Variants in PCDHA2 observed in about 807,000 individuals in gnomAD.
PCDHA2 encodes the protein protocadherin alpha-2.
PCDHA2 carries 58 observed loss-of-function variants against 66.0 expected under a neutral mutation model. The ratio of observed to expected loss-of-function variants is 0.88; its 90% CI spans 0.71 to 1.09. The LOEUF (loss-of-function observed/expected upper bound fraction) is 1.09. PCDHA2 is among the 50% of genes least tolerant of loss of function. The pLI is 0.00. For missense variants in PCDHA2, 1,267 were observed against 1,242.3 expected (o/e 1.02, Z -0.30); for synonymous variants, 634 against 554.0 (o/e 1.14, Z -2.03).
chr5:140,803,422 C>G (rs1554122806), intron 1 of PCDHA2: 1 of 1,614,226 alleles, frequency 6.2e-7, no homozygotes, highest in East Asian at 2.2e-5. Flanking sequence ...CTGGTGTGCT[C>G]CAGCGCGGTG....
At chr5:140,937,284 G>A (rs1473374286) in intron 1 of PCDHA2, among the ~76,000 whole-genome samples, 2 of 151,964 alleles carry the variant, frequency 1.3e-5, no homozygotes, top group South Asian at 2.1e-4. Context: ...TGATTCACCC[G>A]CTTCGGCCTC....
At chr5:140,877,894 G>C (rs1186724493) in intron 1 of PCDHA2, 21 of 1,447,492 alleles carry the variant, frequency 1.5e-5, no homozygotes, top group African/African-American at 2.9e-5. Flanking sequence ...CTTCCGTTTA[G>C]GTTATAACTA....
chr5:140,853,297 G>T, intron 1 of PCDHA2: 1 of 981,768 alleles, frequency 1.0e-6, no homozygotes, highest in Non-Finnish European at 1.2e-6. Context: ...TCTCAGAAGG[G>T]CTGTGAACAC....
chr5:140,801,237 C>T, intron 1 of PCDHA2: 1 of 1,613,110 alleles, frequency 6.2e-7, no homozygotes, highest in Non-Finnish European at 8.5e-7. Context: ...AGCCCAGTGC[C>T]TGCTGCTTTC....
chr5:140,830,290 G>C lies in PCDHA2; in HGVS notation c.2388+32938G>C, dbSNP rs2150184535. On this transcript the variant is annotated intron_variant, in intron 1 of 3. Transcript: ENST00000526136. Reference sequence around the variant, plus strand: ...CGCCACCCACCGAGGGCGCGTGCACGGCGGACAAGCCCACGCTGGTGTGCT... The same window carrying C: ...CGCCACCCACCGAGGGCGCGTGCACCGCGGACAAGCCCACGCTGGTGTGCT... 10 of 1,613,848 alleles carry C rather than the reference G, an allele frequency of 6.2e-6. No homozygotes were observed. In the African/African-American group the frequency reaches 9.3e-5, roughly 15 times the overall value.
intron 1 of PCDHA2, chr5:140,929,479 A>G (rs2086187931): frequency 4.2e-6 from 5 of 1,193,216 alleles, no homozygotes; most frequent in Admixed American, 3.2e-5. Context: ...CTGGAAGTAT[A>G]GAAGTATTAG....
intron 1 of PCDHA2, chr5:140,883,864 G>A: frequency 6.2e-7 from 1 of 1,613,210 alleles, no homozygotes; most frequent in East Asian, 2.2e-5. Flanking sequence ...AGCTGTTGCA[G>A]TTCCAGGTGA....
Position 140,850,103 on chromosome 5 carries a change from C to T in PCDHA2, c.2388+52751C>T, listed in dbSNP as rs2150467019. 4 of 1,596,104 alleles carry T rather than the reference C, an allele frequency of 2.5e-6. 1 individual carries two copies. Among genetic ancestry groups the T allele is most frequent in the African/African-American group, 1.3e-5 (1 of 74,456 alleles). On this transcript the variant is annotated intron_variant, in intron 1 of 3. Coordinates refer to ENST00000526136, the MANE Select transcript of PCDHA2 (RefSeq NM_018905.3). ...TGGAGCTGCTACAGTTCCAGGTGAGCGCGCGCGACGCGGGCGTGCCGCCTC... is the reference window on the plus strand; with the variant it reads ...TGGAGCTGCTACAGTTCCAGGTGAGTGCGCGCGACGCGGGCGTGCCGCCTC...
In PCDHA2 at chr5:140,857,896, T is replaced by A; in HGVS notation, c.2388+60544T>A. 4 of 1,597,704 alleles carry A rather than the reference T, an allele frequency of 2.5e-6. 1 individual carries two copies. The highest frequency in any genetic ancestry group is 3.4e-6 in the Non-Finnish European group (4 of 1,167,490). On this transcript the variant is annotated intron_variant, in intron 1 of 3. Coordinates refer to ENST00000526136, the MANE Select transcript of PCDHA2 (RefSeq NM_018905.3). ...ATGAATTGCAGTCGGCGGCGGTTGGTGCACGCATCCCGTTTCGCGTGGGGC... is the reference window on the plus strand; with the variant it reads ...ATGAATTGCAGTCGGCGGCGGTTGGAGCACGCATCCCGTTTCGCGTGGGGC...
chr5:140,837,239 AT>A (rs1774971058), intron 1 of PCDHA2: 1 of 152,014 alleles, frequency 6.6e-6, no homozygotes, highest in African/African-American at 2.4e-5. Flanking sequence ...TTTTACATCT[AT>A]TTATCTTCTT....
chr5:140,870,395 C>T (rs1554164197), intron 1 of PCDHA2: 1 of 1,614,218 alleles, frequency 6.2e-7, no homozygotes, highest in South Asian at 1.1e-5. Context: ...GATGGGGGTT[C>T]GCCTTCTCTG....
At chr5:140,875,647 C>T (rs1554167823) in intron 1 of PCDHA2, 1 of 1,613,694 alleles carries the variant, frequency 6.2e-7, no homozygotes, top group Non-Finnish European at 8.5e-7. Context: ...GCTGGCGGAG[C>T]TGGTGCCGCG....
At chr5:140,960,785 A>C (rs1452809407) in intron 1 of PCDHA2, among the ~76,000 whole-genome samples, 2 of 152,200 alleles carry the variant, frequency 1.3e-5, no homozygotes, top group Admixed American at 1.3e-4. Context: ...AGGGCCAAAC[A>C]AGGTTTCTAT....
chr5:140,978,196 T>C (rs1043778941), intron 1 of PCDHA2, among the ~76,000 whole-genome samples: 1 of 152,190 alleles, frequency 6.6e-6, no homozygotes. Flanking sequence ...ATCTTTTCAA[T>C]ACACAACTAA....
chr5:140,915,785 A>T (rs188846929), intron 1 of PCDHA2, among the ~76,000 whole-genome samples: 14 of 152,134 alleles, frequency 9.2e-5, no homozygotes, highest in Admixed American at 7.2e-4. Flanking sequence ...TGCTGTAACC[A>T]CTACCTGACT....
At chr5:140,946,573 A>C (rs1272286008) in intron 1 of PCDHA2, among the ~76,000 whole-genome samples, 1 of 147,140 alleles carries the variant, frequency 6.8e-6, no homozygotes, top group African/African-American at 2.6e-5. Flanking sequence ...GAATCAACTT[A>C]GGTGTTCATA....
Position 140,830,146 on chromosome 5 carries a change from C to A in PCDHA2, c.2388+32794C>A, listed in dbSNP as rs2150181875. 36 of 1,613,246 alleles carry A rather than the reference C, an allele frequency of 2.2e-5. No individual in the cohort carries two copies. The South Asian group carries it at 3.1e-4, about 14-fold the overall frequency. On this transcript the variant is annotated intron_variant, in intron 1 of 3. Coordinates refer to ENST00000526136, the MANE Select transcript of PCDHA2 (RefSeq NM_018905.3). ...AGGCGTCATCACGGGCGTCGGTGGG[C>A]GCCGCGGGCCCAGAGGCGGCGCTGG...
At chr5:140,805,780 C>CT (rs1205025543) in intron 1 of PCDHA2, 10 of 189,252 alleles carry the variant, frequency 5.3e-5, no homozygotes, top group African/African-American at 2.1e-4. Context: ...TGTCTAGAGA[C>CT]TTTTTTTGTA....
intron 1 of PCDHA2, among the ~76,000 whole-genome samples, chr5:140,845,552 T>C (rs2150379809): frequency 0.45 from 67,291 of 148,608 alleles, 18,811 homozygotes; most frequent in South Asian, 0.64. Context: ...ATGGTGATGC[T>C]TTTAGCTATT....
Sources: gnomAD v4.1 joint callset for allele counts (sites outside exome capture counted in the v4.1 genomes callset) on GRCh38, gnomAD v4.1.1 for gene constraint, MANE v1.5 for transcripts, NCBI Gene and HGNC (gene_info 2026-07-23, HGNC 2026-07-21) for gene names.